MYRFL: variants seen among roughly 807,000 people sequenced by gnomAD.
MYRFL encodes myelin regulatory factor-like protein.
Under a neutral mutation model 109.4 loss-of-function variants are expected in MYRFL, and 88 were observed. That is an observed-to-expected ratio of 0.80 (90% CI 0.68 to 0.96). MYRFL has a LOEUF of 0.96. Ranked by LOEUF, MYRFL falls within the 40% of genes least tolerant of loss-of-function variation. MYRFL has a pLI of 0.00. For missense variants in MYRFL, 957 were observed against 954.9 expected (o/e 1.00, Z -0.03); for synonymous variants, 324 against 320.9 (o/e 1.01, Z -0.10).
chr12:69,873,262 C>G (rs1354810441), intron 2 of MYRFL, among the ~76,000 whole-genome samples: 1 of 151,974 alleles, frequency 6.6e-6, no homozygotes, highest in African/African-American at 2.4e-5. Flanking sequence ...AAAAAAAAAT[C>G]AGAAAAAAAT....
Position 69,936,448 on chromosome 12 carries a change from T to A in MYRFL, c.2045-5T>A. The A allele has an allele frequency of 2.0e-6, 3 of 1,534,240 alleles. No individual in the cohort carries two copies. The highest frequency in any genetic ancestry group is 2.6e-6 in the Non-Finnish European group (3 of 1,145,656). ...TTCCCCTCCCCCCTGCCCAATGCCT[T>A]GCAGCACCTAATACATCCCTGGTAA... is the stretch of plus-strand genomic sequence containing the variant. On this transcript the variant is annotated splice_polypyrimidine_tract_variant and splice_region_variant and intron_variant, in intron 18 of 24. Coordinates refer to ENST00000552032, the MANE Select transcript of MYRFL (RefSeq NM_182530.3).
rs557973707 is a variant in MYRFL at position 69,888,831 on chromosome 12, A to ATTAGCAGATTAATTC, written c.707+1863_707+1877dup. Reference sequence around the variant, plus strand: ...ACCCATCTAGCCTTTAGATGAACAAATTAGCAGATTAATTCTAGAAACTTG... The same window carrying ATTAGCAGATTAATTC: ...ACCCATCTAGCCTTTAGATGAACAAATTAGCAGATTAATTCTTAGCAGATTAATTCTAGAAACTTG... On this transcript the variant is annotated intron_variant, in intron 6 of 24. Transcript: ENST00000552032. 1.6e-4 allele frequency among the ~76,000 whole-genome samples: 24 copies of ATTAGCAGATTAATTC among 152,356 alleles called. No homozygotes were observed. The East Asian group carries it at 4.4e-3, about 28-fold the overall frequency.
At chr12:69,877,066 T>C (rs1457769126) in intron 2 of MYRFL, among the ~76,000 whole-genome samples, 5 of 148,810 alleles carry the variant, frequency 3.4e-5, no homozygotes, top group Admixed American at 6.8e-5. Context: ...CTCGGTCAGC[T>C]AGGCTGGAGT....
chr12:69,863,014 G>A (rs1449187908), intron 2 of MYRFL, among the ~76,000 whole-genome samples: 2 of 151,806 alleles, frequency 1.3e-5, no homozygotes, highest in Admixed American at 1.3e-4. Flanking sequence ...TAATCATGTG[G>A]TTTTTGTCTT....
At chr12:69,886,515 T>A (rs2136335889) in intron 5 of MYRFL, among the ~76,000 whole-genome samples, 1 of 152,308 alleles carries the variant, frequency 6.6e-6, no homozygotes, top group East Asian at 1.9e-4. Context: ...GCTCTGGGAA[T>A]GAACTTCACT....
At chr12:69,906,040 A>T (rs1954347923) in intron 11 of MYRFL, among the ~76,000 whole-genome samples, 1 of 152,232 alleles carries the variant, frequency 6.6e-6, no homozygotes, top group Non-Finnish European at 1.5e-5. Context: ...GTGCATTCTA[A>T]CCACAGCTGG....
At chr12:69,854,550 AT>A (rs1486904751) in intron 1 of MYRFL, among the ~76,000 whole-genome samples, 12 of 151,880 alleles carry the variant, frequency 7.9e-5, no homozygotes, top group Non-Finnish European at 1.2e-4. Context: ...TGTCTGGCTA[AT>A]TTTTTTGTAT....
At chr12:69,877,028 T>TTA (rs1565988313) in intron 2 of MYRFL, among the ~76,000 whole-genome samples, 1 of 130,178 alleles carries the variant, frequency 7.7e-6, no homozygotes, top group East Asian at 2.3e-4. Context: ...TCTTTCTTTT[T>TTA]TTTTTTTTTT....
At chr12:69,864,979 A>G (rs1005252541) in intron 2 of MYRFL, among the ~76,000 whole-genome samples, 1 of 152,186 alleles carries the variant, frequency 6.6e-6, no homozygotes, top group African/African-American at 2.4e-5. Context: ...ACTACTTTTT[A>G]TAACTAACAG....
chr12:69,916,869 T>G (rs1313608614), intron 13 of MYRFL, among the ~76,000 whole-genome samples: 1 of 152,224 alleles, frequency 6.6e-6, no homozygotes, highest in African/African-American at 2.4e-5. Context: ...GAATATGATG[T>G]GTTTGTGTCC....
At chr12:69,869,228 G>T (rs1309356921) in intron 2 of MYRFL, among the ~76,000 whole-genome samples, 1 of 152,160 alleles carries the variant, frequency 6.6e-6, no homozygotes, top group Non-Finnish European at 1.5e-5. Flanking sequence ...GGGCACCCAG[G>T]CATTTTTCTT....
chr12:69,887,478 C>T (rs1385794545), intron 6 of MYRFL, among the ~76,000 whole-genome samples: 2 of 152,086 alleles, frequency 1.3e-5, no homozygotes, highest in Non-Finnish European at 2.9e-5. Flanking sequence ...TCAAATCATA[C>T]AAAACATCCT....
At chr12:69,869,365 C>G (rs1885208160) in intron 2 of MYRFL, among the ~76,000 whole-genome samples, 1 of 152,122 alleles carries the variant, frequency 6.6e-6, no homozygotes, top group Admixed American at 6.5e-5. Flanking sequence ...ATTCCCATCC[C>G]CTCATCCTTG....
Position 69,870,937 on chromosome 12 carries a change from T to C in MYRFL, c.138-8091T>C, listed in dbSNP as rs1030312436. Among the ~76,000 whole-genome samples, 6 of 152,188 alleles carry C rather than the reference T, an allele frequency of 3.9e-5. No homozygotes were observed. The East Asian group carries it at 5.8e-4, about 15-fold the overall frequency. ...GCCAAGCCATATTTTTTTTAGTAGA[T>C]TGATCATTTAATTGTGATTTTCAGT... is the stretch of plus-strand genomic sequence containing the variant. On this transcript the variant is annotated intron_variant, in intron 2 of 24. Coordinates refer to ENST00000552032, the MANE Select transcript of MYRFL (RefSeq NM_182530.3).
chr12:69,924,392 ATTC>A (rs1955004371), intron 13 of MYRFL, among the ~76,000 whole-genome samples: 2 of 150,246 alleles, frequency 1.3e-5, no homozygotes, highest in Admixed American at 1.3e-4. Flanking sequence ...CATGTTTTGT[ATTC>A]TTCTTATACT....
At position 69,957,962 on chromosome 12, in the gene MYRFL, C is replaced by G; in HGVS notation, c.2571+20C>G. On this transcript the variant is annotated intron_variant, in intron 23 of 24. Coordinates refer to ENST00000552032, the MANE Select transcript of MYRFL (RefSeq NM_182530.3). ...ACACAGGTAATGTTTTCTGCCTCCT[C>G]TCTTCCCCGCTGAGAGAGGGATACA... 2.6e-6 allele frequency: 4 copies of G among 1,524,612 alleles called. No homozygotes were observed. Among genetic ancestry groups the G allele is most frequent in the Non-Finnish European group, 3.5e-6 (4 of 1,138,004 alleles). The allele number at this position is 1,524,612 out of a possible 1,614,324, so 94.4% of individuals were successfully genotyped here. A position where few individuals can be genotyped will look rare whatever the true frequency, so the allele number is the denominator to read the frequency against.
intron 19 of MYRFL, among the ~76,000 whole-genome samples, chr12:69,946,380 T>A (rs2120528466): frequency 6.6e-6 from 1 of 152,322 alleles, no homozygotes. Context: ...TTCAAATGTT[T>A]GATTCACTTT....
chr12:69,936,529 T>A lies in MYRFL; in HGVS notation c.2121T>A (p.Cys707Ter). 1 of 1,536,154 alleles carries A rather than the reference T, an allele frequency of 6.5e-7. No individual in the cohort carries two copies. The highest frequency in any genetic ancestry group is 8.7e-7 in the Non-Finnish European group (1 of 1,146,896). ...TTACTTTCTGTGAAATCCTGCCGTG[T>A]CAGGAGACTTATTGCTGCCCCATCC... ...PEITFCEILP[C>*]QETYCCPIRG... is the part of the protein sequence containing the mutation. The change falls in exon 19 of 25, where the codon TGT becomes TGA. Residue 707 changes from cysteine (C) to a stop codon, truncating the protein, a stop_gained. Coordinates refer to ENST00000552032, the MANE Select transcript of MYRFL (RefSeq NM_182530.3). LOFTEE classifies it high-confidence loss of function.
chr12:69,903,513 TC>T, intron 10 of MYRFL, 130 bp from the exon 11 acceptor site: 1 of 1,020,718 alleles, frequency 9.8e-7, no homozygotes, highest in Non-Finnish European at 1.4e-6. Flanking sequence ...TGTCAGAATG[TC>T]CCACTCAATA....
Sources: gnomAD v4.1 joint callset for allele counts (sites outside exome capture counted in the v4.1 genomes callset) on GRCh38, gnomAD v4.1.1 for gene constraint, MANE v1.5 for transcripts, NCBI Gene and HGNC (gene_info 2026-07-23, HGNC 2026-07-21) for gene names.